USP53: variants seen among roughly 807,000 people sequenced by gnomAD.
USP53 encodes ubiquitin carboxyl-terminal hydrolase 53.
In USP53, 71 loss-of-function variants were observed where a neutral mutation model predicts 94.9. That is an observed-to-expected ratio of 0.75 (90% confidence interval 0.62 to 0.91). The LOEUF (loss-of-function observed/expected upper bound fraction) is 0.91. USP53 is among the 40% of genes least tolerant of loss of function. The pLI is 0.00. For synonymous variants in USP53, 375 were observed against 422.7 expected (o/e 0.89, Z 1.39); for missense variants, 1,173 against 1,281.0 (o/e 0.92, Z 1.29).
chr4:119,287,415 GATT>G (rs1184857359), intron 17 of USP53, among the ~76,000 whole-genome samples: 1 of 151,970 alleles, frequency 6.6e-6, no homozygotes, highest in Non-Finnish European at 1.5e-5. Flanking sequence ...TTGCTTCCAA[GATT>G]TAACTTGCAG....
At chr4:119,250,158 TCA>T (rs1169657892) in intron 7 of USP53, among the ~76,000 whole-genome samples, 1 of 152,200 alleles carries the variant, frequency 6.6e-6, no homozygotes, top group African/African-American at 2.4e-5. Context: ...ATTCTGTTCC[TCA>T]CATATATTTT....
At chr4:119,289,459 G>A (rs1370389968) in intron 17 of USP53, among the ~76,000 whole-genome samples, 3 of 152,044 alleles carry the variant, frequency 2.0e-5, no homozygotes, top group Non-Finnish European at 2.9e-5. Context: ...CCTCTGAAAG[G>A]GTCTCGGAGA....
At chr4:119,213,660 A>ATATATATATATGTGTGTGTG in intron 1 of USP53, among the ~76,000 whole-genome samples, 1 of 117,780 alleles carries the variant, frequency 8.5e-6, no homozygotes, top group Non-Finnish European at 1.7e-5. Context: ...ATATATATAT[A>ATATATATATATGTGTGTGTG]TGTGTGTGTG....
chr4:119,234,124 A>T (rs1158643971), intron 3 of USP53, among the ~76,000 whole-genome samples: 1 of 152,128 alleles, frequency 6.6e-6, no homozygotes, highest in African/African-American at 2.4e-5. Context: ...TTCCTGATAT[A>T]ATAATCTCCT....
At chr4:119,269,425 C>G (rs1259199719) in intron 14 of USP53, among the ~76,000 whole-genome samples, 1 of 152,078 alleles carries the variant, frequency 6.6e-6, no homozygotes, top group Non-Finnish European at 1.5e-5. Context: ...TTACCTTTAG[C>G]TCTTATTATT....
intron 7 of USP53, among the ~76,000 whole-genome samples, chr4:119,251,746 C>G (rs1749041953): frequency 6.6e-6 from 1 of 152,146 alleles, no homozygotes; most frequent in South Asian, 2.1e-4. Flanking sequence ...CCTGATTGCC[C>G]TGGCCAGAAC....
intron 4 of USP53, among the ~76,000 whole-genome samples, chr4:119,235,737 G>C (rs1454802272): frequency 6.6e-6 from 1 of 152,104 alleles, no homozygotes; most frequent in Non-Finnish European, 1.5e-5. Context: ...CCAACCCTCA[G>C]TATCTTTGAG....
At chr4:119,267,844 CTTAAGTT>C (rs1188432115) in intron 13 of USP53, among the ~76,000 whole-genome samples, 1 of 152,174 alleles carries the variant, frequency 6.6e-6, no homozygotes, top group Non-Finnish European at 1.5e-5. Flanking sequence ...TGTCAATCCG[CTTAAGTT>C]TTAAGTAACT....
At chr4:119,289,738 T>C (rs1041148853) in intron 17 of USP53, among the ~76,000 whole-genome samples, 8 of 152,206 alleles carry the variant, frequency 5.3e-5, no homozygotes, top group African/African-American at 1.9e-4. Context: ...CCTTGTGCCT[T>C]AGTAAAGGAA....
intron 2 of USP53, among the ~76,000 whole-genome samples, chr4:119,217,069 G>A (rs1561173157): frequency 6.6e-6 from 1 of 152,162 alleles, no homozygotes; most frequent in Non-Finnish European, 1.5e-5. Flanking sequence ...TAATGATTGA[G>A]TAGTTGAGCA....
intron 5 of USP53, 121 bp downstream of exon 5, chr4:119,240,024 TA>T: frequency 3.8e-6 from 4 of 1,059,866 alleles, no homozygotes; most frequent in Non-Finnish European, 4.9e-6. Context: ...CTTTTTAATA[TA>T]ACTTTAAATG....
Position 119,279,707 on chromosome 4 carries a change from T to C in USP53, c.2251+5999T>C, listed in dbSNP as rs904838447. Reference sequence around the variant, plus strand: ...GGGCGCCCCTCCCCCAGCCTCGCTGTCGCCTTGCAGTTTGATCTCAGACTG... The same window carrying C: ...GGGCGCCCCTCCCCCAGCCTCGCTGCCGCCTTGCAGTTTGATCTCAGACTG... On this transcript the variant is annotated intron_variant, in intron 17 of 18. Transcript: ENST00000692078. Among the ~76,000 whole-genome samples the C allele has an allele frequency of 1.4e-3, 210 of 152,018 alleles. 1 individual carries two copies. Among genetic ancestry groups the C allele is most frequent in the African/African-American group, 4.6e-3 (192 of 41,434 alleles).
At chr4:119,240,526 G>T (rs931829797) in intron 5 of USP53, among the ~76,000 whole-genome samples, 2 of 152,100 alleles carry the variant, frequency 1.3e-5, no homozygotes, top group African/African-American at 4.8e-5. Flanking sequence ...TAGATCCTGT[G>T]TCCTTCTGAC....
intron 11 of USP53, among the ~76,000 whole-genome samples, chr4:119,260,884 A>C (rs1283426970): frequency 1.3e-5 from 2 of 151,692 alleles, no homozygotes; most frequent in Admixed American, 1.3e-4. Context: ...CCATGATTGT[A>C]AATATAAATA....
chr4:119,234,043 C>A (rs112881827), intron 3 of USP53, among the ~76,000 whole-genome samples: 1 of 152,160 alleles, frequency 6.6e-6, no homozygotes, highest in Non-Finnish European at 1.5e-5. Context: ...CCGGTGAGAA[C>A]AGAACACACA....
chr4:119,275,417 G>T (rs548625597), intron 17 of USP53, among the ~76,000 whole-genome samples: 3 of 133,666 alleles, frequency 2.2e-5, no homozygotes, highest in South Asian at 4.6e-4. Context: ...TAGATATGTG[G>T]CGTTATTTCT....
chr4:119,246,761 G>T lies in USP53; in HGVS notation c.237+1332G>T, dbSNP rs115642612. Among the ~76,000 whole-genome samples, 1,243 of 152,254 alleles carry T rather than the reference G, an allele frequency of 8.2e-3. 15 individuals are homozygous for T. The highest frequency in any genetic ancestry group is 0.029 in the African/African-American group (1,188 of 41,548). On this transcript the variant is annotated intron_variant, in intron 6 of 18. Coordinates refer to ENST00000692078, the MANE Select transcript of USP53 (RefSeq NM_001371395.1). ...ATATTTGAACTAGATCCCTGTGGCT[G>T]CTCTGCTGAGGAAAATAGAAGGAAG...
intron 17 of USP53, among the ~76,000 whole-genome samples, chr4:119,289,293 T>C (rs962184827): frequency 1.3e-5 from 2 of 152,228 alleles, no homozygotes; most frequent in African/African-American, 4.8e-5. Context: ...TATATGGCAA[T>C]GAAGAATACA....
intron 3 of USP53, among the ~76,000 whole-genome samples, chr4:119,221,876 A>G (rs1369179363): frequency 6.6e-6 from 1 of 152,204 alleles, no homozygotes; most frequent in Non-Finnish European, 1.5e-5. Flanking sequence ...GAGGGGGATG[A>G]TTTTGAAATC....
Sources: gnomAD v4.1 joint callset for allele counts (sites outside exome capture counted in the v4.1 genomes callset) on GRCh38, gnomAD v4.1.1 for gene constraint, MANE v1.5 for transcripts, NCBI Gene and HGNC (gene_info 2026-07-23, HGNC 2026-07-21) for gene names.